RFX8: variants seen among roughly 807,000 people sequenced by gnomAD.
RFX8 encodes DNA-binding protein RFX8.
Under a neutral mutation model 54.6 loss-of-function variants are expected in RFX8, and 46 were observed. That is an observed-to-expected ratio of 0.84 (90% CI 0.67 to 1.08). The LOEUF (loss-of-function observed/expected upper bound fraction) is 1.08. Ranked by LOEUF, RFX8 falls within the 50% of genes least tolerant of loss-of-function variation. The probability of loss-of-function intolerance (pLI) is 0.00; values close to 1 mark genes in which losing one functional copy is unlikely to be tolerated. For synonymous variants in RFX8, 192 were observed against 209.5 expected, an observed-to-expected ratio of 0.92 and a Z score of 0.72; for missense variants, 536 against 562.3, an observed-to-expected ratio of 0.95 and a Z score of 0.47.
chr2:101,408,504 C>T (rs1685894246), intron 9 of RFX8, among the ~76,000 whole-genome samples: 1 of 150,172 alleles, frequency 6.7e-6, no homozygotes, highest in Admixed American at 6.6e-5. Flanking sequence ...ACAAAAAAAA[C>T]GCTGGAGGCT....
intron 1 of RFX8, among the ~76,000 whole-genome samples, chr2:101,469,593 CAT>C (rs2148999891): frequency 6.6e-6 from 1 of 152,216 alleles, no homozygotes; most frequent in East Asian, 1.9e-4. Context: ...TCTGTTTATT[CAT>C]AGTTACTCCA....
chr2:101,420,726 A>G (rs145942388), intron 4 of RFX8, among the ~76,000 whole-genome samples: 19 of 152,098 alleles, frequency 1.2e-4, no homozygotes, highest in African/African-American at 4.3e-4. Flanking sequence ...CTTTCCTACT[A>G]GAGTCAGCAG....
At chr2:101,462,328 A>G (rs1689329493) in intron 2 of RFX8, among the ~76,000 whole-genome samples, 1 of 152,104 alleles carries the variant, frequency 6.6e-6, no homozygotes. Flanking sequence ...TACTTGGGAG[A>G]CTGAAGTGGG....
intron 5 of RFX8, 38 bp downstream of exon 5, chr2:101,418,813 G>T: frequency 1.5e-6 from 2 of 1,330,674 alleles, no homozygotes; most frequent in Non-Finnish European, 2.1e-6. Context: ...GCCAATTTCT[G>T]CAAAGGATAT....
At chr2:101,398,445 A>G (rs1157335334) in intron 11 of RFX8, among the ~76,000 whole-genome samples, 1 of 152,176 alleles carries the variant, frequency 6.6e-6, no homozygotes, top group Non-Finnish European at 1.5e-5. Flanking sequence ...GGGAGTCTCC[A>G]GACGGGTACT....
At chr2:101,401,462 T>C (rs1685441199) in intron 11 of RFX8, among the ~76,000 whole-genome samples, 1 of 152,164 alleles carries the variant, frequency 6.6e-6, no homozygotes, top group Non-Finnish European at 1.5e-5. Flanking sequence ...CTGCCACAAC[T>C]TGCTTCAGGT....
In RFX8 at chr2:101,422,361, C is replaced by G; in HGVS notation, c.183+1G>C. 2.1e-6 allele frequency: 3 copies of G among 1,446,964 alleles called. No homozygotes were observed. Among genetic ancestry groups the G allele is most frequent in the Non-Finnish European group, 2.9e-6 (3 of 1,051,062 alleles). The allele number at this position is 1,446,964 out of a possible 1,614,324, so 89.6% of individuals were successfully genotyped here. ...TAATCTCCCCATGAGTGCAAACCTA[C>G]CATATTACAGGAGTATTTCTTTGCC... On this transcript the variant is annotated splice_donor_variant, in intron 3 of 11. Transcript: ENST00000428343. LOFTEE classifies it high-confidence loss of function.
At chr2:101,408,257 G>A (rs900225983) in intron 9 of RFX8, among the ~76,000 whole-genome samples, 2 of 151,980 alleles carry the variant, frequency 1.3e-5, no homozygotes, top group South Asian at 2.1e-4. Context: ...AGGCTGAGGC[G>A]GGCGGATCAC....
chr2:101,442,629 T>C (rs1029380450), intron 2 of RFX8, among the ~76,000 whole-genome samples: 6 of 152,182 alleles, frequency 3.9e-5, no homozygotes, highest in African/African-American at 1.2e-4. Flanking sequence ...ATAGGTAATG[T>C]GTTATTTTTC....
At chr2:101,452,932 C>G (rs1397804281) in intron 2 of RFX8, among the ~76,000 whole-genome samples, 1 of 151,780 alleles carries the variant, frequency 6.6e-6, no homozygotes. Context: ...TGGTGAAACC[C>G]CGTCTCTGCT....
intron 9 of RFX8, among the ~76,000 whole-genome samples, chr2:101,408,464 G>C (rs562138898): frequency 6.7e-6 from 1 of 148,754 alleles, no homozygotes; most frequent in African/African-American, 2.5e-5. Context: ...CAGCCTGGGC[G>C]ACAGCGAGAC....
At position 101,418,857 on chromosome 2, in the gene RFX8, C is replaced by T; in HGVS notation, c.345G>A (p.Leu115=). ...CQLFKCYDVQ[L]YKGIEDVLLH... is the part of the protein sequence containing the mutation. The stretch of plus-strand genomic sequence containing the variant: ...GACTCACGCGTCCTCCTACCTTGTA[C>T]AGCTGGACGTCGTAGCATTTAAAGA... The change falls in exon 5 of 12, where the codon CTG becomes CTA. Residue 115 remains leucine (L), a synonymous_variant. Coordinates refer to ENST00000428343, the MANE Select transcript of RFX8 (RefSeq NM_001145664.2). The T allele has an allele frequency of 6.5e-7, 1 of 1,544,866 alleles. No homozygotes were observed. The highest frequency in any genetic ancestry group is 1.4e-5 in the African/African-American group (1 of 73,024).
intron 2 of RFX8, among the ~76,000 whole-genome samples, chr2:101,430,515 A>C (rs1352628289): frequency 6.6e-6 from 1 of 152,210 alleles, no homozygotes; most frequent in Non-Finnish European, 1.5e-5. Context: ...GAACAAAGAA[A>C]AGAACATGTG....
At chr2:101,426,932 C>T (rs776042142) in intron 2 of RFX8, among the ~76,000 whole-genome samples, 10 of 152,204 alleles carry the variant, frequency 6.6e-5, no homozygotes, top group Non-Finnish European at 1.3e-4. Flanking sequence ...TGGTGCCCCA[C>T]GGTCTCCTGG....
At chr2:101,413,216 A>C in intron 7 of RFX8, 145 bp from the exon 8 acceptor site, 1 of 683,312 alleles carries the variant, frequency 1.5e-6, no homozygotes, top group Non-Finnish European at 2.5e-6. Context: ...AATCTTAAAC[A>C]AGAATGAAAA....
intron 2 of RFX8, among the ~76,000 whole-genome samples, chr2:101,457,646 A>T (rs933628321): frequency 6.6e-6 from 1 of 152,178 alleles, no homozygotes; most frequent in African/African-American, 2.4e-5. Context: ...TCAATTTTAG[A>T]ATAAGTGTGA....
chr2:101,417,282 G>A (rs1465780341), intron 6 of RFX8, among the ~76,000 whole-genome samples: 3 of 152,204 alleles, frequency 2.0e-5, no homozygotes, highest in Non-Finnish European at 4.4e-5. Context: ...ATGGCTCACT[G>A]TAGCCTTGAC....
At chr2:101,403,015 TG>T (rs1685538088) in intron 10 of RFX8, among the ~76,000 whole-genome samples, 1 of 152,104 alleles carries the variant, frequency 6.6e-6, no homozygotes, top group Admixed American at 6.5e-5. Context: ...CGGTGTGAGA[TG>T]GGAGAAAAGC....
In RFX8 at chr2:101,410,722, A is replaced by C; in HGVS notation, c.719-9T>G. ...AATTAAGTTTCTTAAACCTACAAAG[A>C]CACAAAATAAACAAACAAAAGATTG... On this transcript the variant is annotated splice_polypyrimidine_tract_variant and intron_variant, in intron 8 of 11. Transcript: ENST00000428343. 1.4e-6 allele frequency: 2 copies of C among 1,412,338 alleles called. No homozygotes were observed. The highest frequency in any genetic ancestry group is 2.5e-5 in the South Asian group (2 of 79,810). The allele number at this position is 1,412,338 out of a possible 1,614,324, so 87.5% of individuals were successfully genotyped here. A position where few individuals can be genotyped will look rare whatever the true frequency, so the allele number is the denominator to read the frequency against.
Sources: gnomAD v4.1 joint callset for allele counts (sites outside exome capture counted in the v4.1 genomes callset) on GRCh38, gnomAD v4.1.1 for gene constraint, MANE v1.5 for transcripts, NCBI Gene and HGNC (gene_info 2026-07-23, HGNC 2026-07-21) for gene names.